Variants in MRPL3 observed in about 807,000 individuals in gnomAD.
MRPL3 encodes the protein large ribosomal subunit protein uL3m.
Under a neutral mutation model 44.3 loss-of-function variants are expected in MRPL3, and 43 were observed. The observed-to-expected ratio is 0.97, with a 90% confidence interval of 0.76 to 1.25. MRPL3 has a LOEUF of 1.25. Among genes scored for constraint, MRPL3 ranks in the 50% most tolerant of loss-of-function variants. MRPL3 has a pLI of 0.00. For missense variants in MRPL3, 406 were observed against 427.6 expected (o/e 0.95, Z 0.45); for synonymous variants, 171 against 152.3 (o/e 1.12, Z -0.91).
chr3:131,501,880 A>T (rs1249285001), intron 1 of MRPL3, 165 bp from the exon 2 acceptor site: 2 of 1,540,818 alleles, frequency 1.3e-6, no homozygotes, highest in East Asian at 4.9e-5. Flanking sequence ...CTCACTCCCC[A>T]CATTCCTTCG....
At chr3:131,501,385 T>C (rs1231536877) in intron 2 of MRPL3, 146 bp downstream of exon 2, 3 of 734,844 alleles carry the variant, frequency 4.1e-6, no homozygotes, top group Non-Finnish European at 6.6e-6. Context: ...GAAATAAACA[T>C]GCAAAACAAA....
chr3:131,479,040 G>C (rs1252095833), intron 6 of MRPL3: 1 of 453,464 alleles, frequency 2.2e-6, no homozygotes, highest in Non-Finnish European at 4.3e-6. Flanking sequence ...CATACTCTAA[G>C]TAGAGGTTTT....
At chr3:131,467,066 A>C (rs539705003) in intron 9 of MRPL3, among the ~76,000 whole-genome samples, 3 of 152,202 alleles carry the variant, frequency 2.0e-5, no homozygotes, top group South Asian at 4.2e-4. Flanking sequence ...TAGATTCTAC[A>C]TAAAAGTGAG....
intron 9 of MRPL3, among the ~76,000 whole-genome samples, chr3:131,465,967 G>C (rs1470536188): frequency 1.4e-5 from 2 of 146,756 alleles, no homozygotes; most frequent in Non-Finnish European, 3.0e-5. Flanking sequence ...TGTGATCACA[G>C]CTCACTGCAG....
intron 3 of MRPL3, among the ~76,000 whole-genome samples, chr3:131,499,425 A>G (rs975615930): frequency 3.3e-5 from 5 of 152,210 alleles, no homozygotes; most frequent in Admixed American, 1.3e-4. Context: ...ACATAATGCT[A>G]AAGTGTTTTC....
intron 9 of MRPL3, among the ~76,000 whole-genome samples, 161 bp from the exon 10 acceptor site, chr3:131,463,036 C>T (rs577100573): frequency 6.6e-6 from 1 of 152,266 alleles, no homozygotes; most frequent in African/African-American, 2.4e-5. Flanking sequence ...CAATGCTTTC[C>T]TTTAATTCTA....
chr3:131,496,230 G>A (rs1934368309), intron 4 of MRPL3, among the ~76,000 whole-genome samples: 1 of 152,094 alleles, frequency 6.6e-6, no homozygotes, highest in Non-Finnish European at 1.5e-5. Flanking sequence ...ATGAAGGCTG[G>A]TACATAATAA....
At position 131,471,227 on chromosome 3, in the gene MRPL3, G is replaced by A. The variant is rs780745879; in HGVS notation, c.682C>T (p.Pro228Ser). 2.5e-6 allele frequency: 4 copies of A among 1,613,404 alleles called. No individual in the cohort carries two copies. The South Asian group carries it at 3.3e-5, about 13-fold the overall frequency. Residue 228 changes from proline (P) to serine (S), a missense_variant, in exon 7 of 10, where the codon CCT becomes TCT. Transcript: ENST00000264995. ...GTTTTCGTTTGACCATGCGTAGCAGGCTGGCCTTTAAATCCCCATCTTTTC... is the reference window on the plus strand; with the variant it reads ...GTTTTCGTTTGACCATGCGTAGCAGACTGGCCTTTAAATCCCCATCTTTTC... ...VMKRWGFKGQPATHGQTKTHR... is the reference protein window; with the variant it reads ...VMKRWGFKGQSATHGQTKTHR...
At chr3:131,463,622 T>A (rs1245214157) in intron 9 of MRPL3, among the ~76,000 whole-genome samples, 1 of 152,104 alleles carries the variant, frequency 6.6e-6, no homozygotes, top group African/African-American at 2.4e-5. Flanking sequence ...ATTGATAAGT[T>A]AAAGACAGAA....
At chr3:131,471,413 G>A in intron 6 of MRPL3, 134 bp from the exon 7 acceptor site, 1 of 649,160 alleles carries the variant, frequency 1.5e-6, no homozygotes, top group South Asian at 2.0e-5. Context: ...AACTAGAAAA[G>A]GCTATACAAC....
At chr3:131,496,252 G>C (rs1233382603) in intron 4 of MRPL3, among the ~76,000 whole-genome samples, 3 of 152,108 alleles carry the variant, frequency 2.0e-5, no homozygotes, top group Non-Finnish European at 4.4e-5. Flanking sequence ...TTTTTAAAAA[G>C]TCAAACACTT....
chr3:131,469,295 TTC>T (rs1266897490), intron 8 of MRPL3, among the ~76,000 whole-genome samples: 1 of 151,058 alleles, frequency 6.6e-6, no homozygotes, highest in Non-Finnish European at 1.5e-5. Flanking sequence ...CCTTCCACTC[TTC>T]TGTGATTATA....
At chr3:131,466,441 G>A (rs1015880492) in intron 9 of MRPL3, among the ~76,000 whole-genome samples, 2 of 152,016 alleles carry the variant, frequency 1.3e-5, no homozygotes, top group South Asian at 2.1e-4. Context: ...TCTATTTTAT[G>A]GAAGTAAGTC....
intron 4 of MRPL3, among the ~76,000 whole-genome samples, chr3:131,495,593 G>A (rs1056367252): frequency 1.3e-5 from 2 of 152,092 alleles, no homozygotes; most frequent in African/African-American, 4.8e-5. Flanking sequence ...AACCACTGAA[G>A]AGAATAAAGC....
chr3:131,491,872 T>C (rs1396583929), intron 4 of MRPL3, among the ~76,000 whole-genome samples: 1 of 152,150 alleles, frequency 6.6e-6, no homozygotes, highest in Non-Finnish European at 1.5e-5. Flanking sequence ...AGCCATATCA[T>C]GTATCTACAG....
chr3:131,473,427 A>C (rs958476245), intron 6 of MRPL3, among the ~76,000 whole-genome samples: 31 of 142,348 alleles, frequency 2.2e-4, no homozygotes, highest in African/African-American at 9.2e-4. Context: ...GACTTAATGA[A>C]AAAAAAAAAG....
At chr3:131,476,221 A>G (rs1294137635) in intron 6 of MRPL3, among the ~76,000 whole-genome samples, 3 of 152,224 alleles carry the variant, frequency 2.0e-5, no homozygotes, top group Non-Finnish European at 4.4e-5. Context: ...ACTCTGTACA[A>G]TGAGAACCTC....
chr3:131,465,729 C>T (rs1365142078), intron 9 of MRPL3, among the ~76,000 whole-genome samples: 2 of 151,980 alleles, frequency 1.3e-5, no homozygotes, highest in Non-Finnish European at 2.9e-5. Context: ...AGACAAAATA[C>T]CACGGGAAGT....
chr3:131,500,346 G>A (rs1934466802), intron 3 of MRPL3, 84 bp downstream of exon 3: 2 of 1,075,096 alleles, frequency 1.9e-6, no homozygotes, highest in Admixed American at 1.7e-5. Flanking sequence ...CCATGTTTCA[G>A]GACACAAATA....
Sources: gnomAD v4.1 joint callset for allele counts (sites outside exome capture counted in the v4.1 genomes callset) on GRCh38, gnomAD v4.1.1 for gene constraint, MANE v1.5 for transcripts, NCBI Gene and HGNC (gene_info 2026-07-23, HGNC 2026-07-21) for gene names.